Variants in PLCE1 observed in about 807,000 individuals in gnomAD.
PLCE1 encodes the protein 1-phosphatidylinositol 4,5-bisphosphate phosphodiesterase epsilon-1.
PLCE1 carries 119 observed loss-of-function variants against 242.8 expected under a neutral mutation model. That is an observed-to-expected ratio of 0.49 (90% confidence interval 0.42 to 0.57). The LOEUF (loss-of-function observed/expected upper bound fraction) is 0.57. Ranked by LOEUF, PLCE1 falls within the 20% of genes least tolerant of loss-of-function variation. The pLI, the probability that PLCE1 is intolerant of heterozygous loss-of-function variation, is 0.00. For synonymous variants in PLCE1, 945 were observed against 1,017.4 expected (o/e 0.93, Z 1.35); for missense variants, 2,441 against 2,788.8 (o/e 0.88, Z 2.81).
rs1291205175 is a variant in PLCE1 at position 94,235,930 on chromosome 10, A to C, written c.2230A>C (p.Ser744Arg). The C allele has an allele frequency of 1.2e-6, 2 of 1,613,854 alleles. No individual in the cohort carries two copies. The highest frequency in any genetic ancestry group is 2.2e-5 in the East Asian group (1 of 44,874). Residue 744 changes from serine (S) to arginine (R), a missense_variant, in exon 7 of 33, where the codon AGT (serine) becomes CGT (arginine). Physicochemically the swap from Ser to Arg is moderately radical, Grantham distance 110. Coordinates refer to ENST00000371380, the MANE Select transcript of PLCE1 (RefSeq NM_016341.4). ...TTTTTTGTAGTTTGTAGCAGATTAC[A>C]GTGGACAAGATAATTTCTTACAACG... ...EETLEFVADYSGQDNFLQRVG... is the reference protein window; with the variant it reads ...EETLEFVADYRGQDNFLQRVG...
chr10:94,017,568 A>G (rs1340782096), intron 1 of PLCE1, among the ~76,000 whole-genome samples: 1 of 152,226 alleles, frequency 6.6e-6, no homozygotes, highest in Non-Finnish European at 1.5e-5. Context: ...AAGCAGGAAT[A>G]GTTTTTAAAC....
intron 11 of PLCE1, among the ~76,000 whole-genome samples, chr10:94,255,910 A>ACTCTCTCT (rs2051061927): frequency 4.3e-5 from 4 of 91,966 alleles, no homozygotes; most frequent in Non-Finnish European, 2.3e-5. Context: ...ACACACACAC[A>ACTCTCTCT]CACACTCTCT....
chr10:94,210,013 C>A (rs752344102), intron 4 of PLCE1, among the ~76,000 whole-genome samples: 1 of 152,088 alleles, frequency 6.6e-6, no homozygotes, highest in Non-Finnish European at 1.5e-5. Flanking sequence ...TTAAAGCCAG[C>A]ACCTCTGACT....
chr10:94,322,199 G>C lies in PLCE1; in HGVS notation c.6501+140G>C. 3 of 824,736 alleles carry C rather than the reference G, an allele frequency of 3.6e-6. No homozygotes were observed. In the South Asian group the frequency reaches 4.3e-5, roughly 12 times the overall value. The allele number at this position is 824,736 out of a possible 1,614,324, so 51.1% of individuals were successfully genotyped here. ...CAAAGGGGAGTGTGTGCCTCTTAAG[G>C]CTGGGAAATTGCCTCACATGGTGGC... On this transcript the variant is annotated intron_variant, in intron 30 of 32. Coordinates refer to ENST00000371380, the MANE Select transcript of PLCE1 (RefSeq NM_016341.4).
At chr10:94,087,364 A>G (rs1017345483) in intron 2 of PLCE1, among the ~76,000 whole-genome samples, 15 of 151,640 alleles carry the variant, frequency 9.9e-5, no homozygotes, top group Admixed American at 5.2e-4. Context: ...AAAAAAAAAA[A>G]AAAAAAGAAA....
chr10:94,118,262 G>T (rs962064791), intron 2 of PLCE1, among the ~76,000 whole-genome samples: 4 of 151,758 alleles, frequency 2.6e-5, no homozygotes, highest in African/African-American at 9.7e-5. Context: ...GCAGCTCAGG[G>T]TGACCATATC....
intron 3 of PLCE1, among the ~76,000 whole-genome samples, chr10:94,137,590 T>C (rs888186873): frequency 6.6e-6 from 1 of 152,232 alleles, no homozygotes; most frequent in East Asian, 1.9e-4. Context: ...TCTCAAATTG[T>C]TGCTGAGTAA....
At chr10:94,225,159 C>T (rs915476514) in intron 4 of PLCE1, 7 of 152,318 alleles carry the variant, frequency 4.6e-5, no homozygotes, top group African/African-American at 7.2e-5. Context: ...GAGAATAGAC[C>T]TGTTTTATCA....
intron 2 of PLCE1, among the ~76,000 whole-genome samples, chr10:94,079,621 A>C (rs1265281497): frequency 6.6e-6 from 1 of 152,234 alleles, no homozygotes; most frequent in Non-Finnish European, 1.5e-5. Context: ...ATTTAATTTA[A>C]CATAAAAAAT....
At chr10:94,184,747 T>G (rs1590203101) in intron 4 of PLCE1, among the ~76,000 whole-genome samples, 2 of 152,360 alleles carry the variant, frequency 1.3e-5, no homozygotes, top group Admixed American at 1.3e-4. Flanking sequence ...CTGCAGTTGT[T>G]GTTGCCTCTG....
At chr10:94,200,599 A>G (rs1222988371) in intron 4 of PLCE1, among the ~76,000 whole-genome samples, 1 of 152,222 alleles carries the variant, frequency 6.6e-6, no homozygotes, top group African/African-American at 2.4e-5. Flanking sequence ...TCCACCCTCT[A>G]GAAGGTGGAG....
chr10:94,026,481 C>G (rs1172699708), intron 1 of PLCE1, among the ~76,000 whole-genome samples: 1 of 152,116 alleles, frequency 6.6e-6, no homozygotes, highest in Non-Finnish European at 1.5e-5. Context: ...CTTCTTCAAA[C>G]CCACTAGACT....
intron 3 of PLCE1, among the ~76,000 whole-genome samples, chr10:94,161,997 G>A (rs2047631433): frequency 6.6e-6 from 1 of 152,126 alleles, no homozygotes; most frequent in South Asian, 2.1e-4. Context: ...TGCATCCCAG[G>A]GATGAAGCCC....
intron 4 of PLCE1, among the ~76,000 whole-genome samples, chr10:94,181,649 C>T (rs867994720): frequency 6.6e-6 from 1 of 151,986 alleles, no homozygotes; most frequent in Non-Finnish European, 1.5e-5. Flanking sequence ...TGGCTCACTC[C>T]TACAATCCTA....
At chr10:94,035,081 G>A (rs1281114621) in intron 2 of PLCE1, among the ~76,000 whole-genome samples, 1 of 152,156 alleles carries the variant, frequency 6.6e-6, no homozygotes, top group African/African-American at 2.4e-5. Flanking sequence ...CAGCATGCCT[G>A]TCCTGCTCAG....
chr10:94,115,020 T>C (rs2046078356), intron 2 of PLCE1, among the ~76,000 whole-genome samples: 2 of 151,992 alleles, frequency 1.3e-5, no homozygotes, highest in African/African-American at 4.8e-5. Flanking sequence ...ATGCGATGTT[T>C]GGTTTTTTGT....
At chr10:94,301,687 G>A (rs1250705318) in intron 24 of PLCE1, among the ~76,000 whole-genome samples, 10 of 152,270 alleles carry the variant, frequency 6.6e-5, no homozygotes, top group African/African-American at 2.2e-4. Context: ...GAGTTTCCCA[G>A]ATCAACACTC....
intron 9 of PLCE1, 142 bp downstream of exon 9, chr10:94,252,640 C>T (rs904603615): frequency 1.4e-6 from 1 of 724,144 alleles, no homozygotes; most frequent in Admixed American, 2.2e-5. Context: ...TTACCACATA[C>T]CTCCATGGTG....
chr10:94,272,873 C>T (rs2051798319), intron 18 of PLCE1, among the ~76,000 whole-genome samples: 1 of 152,108 alleles, frequency 6.6e-6, no homozygotes, highest in Non-Finnish European at 1.5e-5. Flanking sequence ...TTCATATTGT[C>T]CTGGCCTAAG....
Sources: gnomAD v4.1 joint callset for allele counts (sites outside exome capture counted in the v4.1 genomes callset) on GRCh38, gnomAD v4.1.1 for gene constraint, MANE v1.5 for transcripts, NCBI Gene and HGNC (gene_info 2026-07-23, HGNC 2026-07-21) for gene names.